The following WDPCP variants were observed in gnomAD, a reference collection of about 807,000 sequenced individuals.
WDPCP encodes the protein WD repeat-containing and planar cell polarity effector protein fritz homolog.
In WDPCP, 71 loss-of-function variants were observed where a neutral mutation model predicts 93.1. The observed-to-expected ratio is 0.76, with a 90% confidence interval of 0.63 to 0.93. The LOEUF (loss-of-function observed/expected upper bound fraction) is 0.93. WDPCP is among the 40% of genes least tolerant of loss of function. The pLI is 0.00. For missense variants in WDPCP, 844 were observed against 887.4 expected (o/e 0.95, Z 0.62); for synonymous variants, 315 against 315.0 (o/e 1.00, Z 0.00).
At chr2:63,533,871 G>A (rs1005630468) in intron 1 of WDPCP, among the ~76,000 whole-genome samples, 14 of 121,980 alleles carry the variant, frequency 1.1e-4, no homozygotes, top group African/African-American at 4.8e-4. Flanking sequence ...GAGCAGAACT[G>A]AAGGAGATAG....
At chr2:63,417,165 G>C (rs1695494485) in intron 9 of WDPCP, among the ~76,000 whole-genome samples, 1 of 152,126 alleles carries the variant, frequency 6.6e-6, no homozygotes, top group Non-Finnish European at 1.5e-5. Context: ...TATTTGGCAA[G>C]AAGAGCAGAA....
intron 14 of WDPCP, among the ~76,000 whole-genome samples, chr2:63,225,908 G>A (rs1201210444): frequency 1.3e-5 from 2 of 151,746 alleles, no homozygotes; most frequent in African/African-American, 4.8e-5. Flanking sequence ...TAAGAAGATG[G>A]GACAAAAGAG....
intron 6 of WDPCP, among the ~76,000 whole-genome samples, chr2:63,474,277 T>C (rs1179229964): frequency 1.3e-5 from 2 of 152,060 alleles, no homozygotes; most frequent in Non-Finnish European, 2.9e-5. Context: ...TTTACACACA[T>C]AAATACATAT....
chr2:63,155,203 C>T (rs1256579488), intron 15 of WDPCP, among the ~76,000 whole-genome samples: 1 of 152,204 alleles, frequency 6.6e-6, no homozygotes, highest in African/African-American at 2.4e-5. Context: ...CTTTGTTAAT[C>T]CCAGGTCACA....
intron 1 of WDPCP, among the ~76,000 whole-genome samples, chr2:63,526,025 G>T (rs1199271140): frequency 6.6e-6 from 1 of 152,014 alleles, no homozygotes; most frequent in Non-Finnish European, 1.5e-5. Context: ...TTTCAGGAAA[G>T]GGCAAATACT....
chr2:63,540,009 A>T (rs1018619551), intron 1 of WDPCP, among the ~76,000 whole-genome samples: 5 of 152,222 alleles, frequency 3.3e-5, no homozygotes, highest in African/African-American at 1.2e-4. Context: ...CTATGCAATG[A>T]ATAGTCTCTT....
At chr2:63,579,770 TAGAC>T (rs56398605) in intron 1 of WDPCP, among the ~76,000 whole-genome samples, 121,062 of 151,308 alleles carry the variant, frequency 0.8, 49,018 homozygotes, top group East Asian at 0.98. Context: ...GATACACAGA[TAGAC>T]AGACAGACAG....
chr2:63,824,856 A>G (rs1671088838), intron 1 of WDPCP, among the ~76,000 whole-genome samples: 1 of 152,130 alleles, frequency 6.6e-6, no homozygotes, highest in Non-Finnish European at 1.5e-5. Flanking sequence ...ATCTTTGGTT[A>G]GGTAAAACTT....
chr2:63,417,870 T>C (rs1171205497), intron 9 of WDPCP, among the ~76,000 whole-genome samples: 2 of 151,074 alleles, frequency 1.3e-5, no homozygotes, highest in East Asian at 1.9e-4. Context: ...TAGGGAGAAA[T>C]GGACAATCAT....
chr2:63,605,205 G>A (rs1709503231), intron 3 of WDPCP: 5 of 972,564 alleles, frequency 5.1e-6, no homozygotes, highest in African/African-American at 1.6e-5. Flanking sequence ...TTCACCCCAA[G>A]GTCGACTTGG....
intron 17 of WDPCP, among the ~76,000 whole-genome samples, chr2:63,125,170 T>C (rs925600665): frequency 2.0e-5 from 3 of 152,196 alleles, no homozygotes; most frequent in African/African-American, 4.8e-5. Flanking sequence ...TTGTAGAAAA[T>C]GCAGTCTCAA....
intron 2 of WDPCP, among the ~76,000 whole-genome samples, chr2:63,673,585 A>G (rs1558880994): frequency 6.6e-6 from 1 of 152,100 alleles, no homozygotes; most frequent in Non-Finnish European, 1.5e-5. Flanking sequence ...TTGGTCAGCT[A>G]CACTCTCCAC....
chr2:63,217,875 G>C (rs1055154055), intron 14 of WDPCP, among the ~76,000 whole-genome samples: 11 of 152,122 alleles, frequency 7.2e-5, no homozygotes, highest in African/African-American at 2.6e-4. Context: ...TTTGCAGTTT[G>C]GTCCACCTCA....
chr2:63,349,475 A>G (rs1187033593), intron 12 of WDPCP, among the ~76,000 whole-genome samples: 1 of 152,080 alleles, frequency 6.6e-6, no homozygotes. Flanking sequence ...GTACCTCTAG[A>G]CTATCTCTTT....
At chr2:63,347,095 C>A (rs1558500554) in intron 12 of WDPCP, among the ~76,000 whole-genome samples, 2 of 152,086 alleles carry the variant, frequency 1.3e-5, no homozygotes, top group Admixed American at 6.6e-5. Context: ...GTAACAACAA[C>A]AGGTAATATT....
intron 13 of WDPCP, among the ~76,000 whole-genome samples, chr2:63,307,730 T>C (rs540849718): frequency 4.6e-4 from 70 of 152,294 alleles, no homozygotes; most frequent in African/African-American, 1.6e-3. Context: ...TAACTCAAGA[T>C]GGATTAACCA....
intron 2 of WDPCP, among the ~76,000 whole-genome samples, chr2:63,712,663 C>G (rs1669280242): frequency 6.6e-6 from 1 of 152,212 alleles, no homozygotes; most frequent in South Asian, 2.1e-4. Flanking sequence ...ACTTCAGGGA[C>G]ATTTTGTTTC....
intron 3 of WDPCP, chr2:63,643,941 G>T: frequency 2.0e-6 from 1 of 495,506 alleles, no homozygotes; most frequent in East Asian, 5.6e-5. Flanking sequence ...CTCAACTTGT[G>T]GGAACCAGTG....
chr2:63,767,622 G>C (rs924844451), intron 2 of WDPCP, among the ~76,000 whole-genome samples: 3 of 151,920 alleles, frequency 2.0e-5, no homozygotes, highest in Admixed American at 1.3e-4. Context: ...GTGCTTATTT[G>C]CCATCTGAAT....
Sources: allele counts gnomAD v4.1 joint callset (sites outside exome capture counted in the v4.1 genomes callset), GRCh38; gene constraint gnomAD v4.1.1; transcripts MANE v1.5; gene names NCBI Gene and HGNC (gene_info 2026-07-23, HGNC 2026-07-21).